IDE: variants seen among roughly 807,000 people sequenced by gnomAD.
IDE encodes insulin degrading enzyme.
A neutral mutation model predicts 133.2 loss-of-function variants in IDE; 58 were observed. That is an observed-to-expected ratio of 0.44 (90% confidence interval 0.35 to 0.54). The LOEUF is 0.54. Among genes scored for constraint, IDE ranks in the 20% least tolerant of loss-of-function variants. The pLI is 0.00. For synonymous variants in IDE, 396 were observed against 421.3 expected (o/e 0.94, Z 0.73); for missense variants, 981 against 1,234.0 (o/e 0.79, Z 3.07).
chr10:92,534,434 T>C (rs1564657291), intron 3 of IDE, 144 bp downstream of exon 3: 2 of 593,858 alleles, frequency 3.4e-6, no homozygotes, highest in African/African-American at 3.7e-5. Flanking sequence ...TCACTCATTT[T>C]TTCTTTTTCA....
rs964192348 is a variant in IDE at position 92,453,814 on chromosome 10, T to C, written c.*630A>G. The C allele has an allele frequency of 1.3e-5, 2 of 152,236 alleles. No individual in the cohort carries two copies. Among genetic ancestry groups the C allele is most frequent in the Non-Finnish European group, 2.9e-5 (2 of 68,056 alleles). 9.4% of individuals were successfully genotyped at this position (152,236 alleles called of 1,614,324 possible). On this transcript the variant is annotated 3_prime_UTR_variant, in exon 25 of 25. Coordinates refer to ENST00000265986, the MANE Select transcript of IDE (RefSeq NM_004969.4). ...AAAATTGATGTAAGGTAAGTCTGTA[T>C]TTCTAGCATTGTAAATAAGTAGGGT...
At chr10:92,472,471 T>G (rs1846017218) in intron 17 of IDE, among the ~76,000 whole-genome samples, 1 of 152,202 alleles carries the variant, frequency 6.6e-6, no homozygotes. Context: ...AATGTACCTG[T>G]TCTAGTAAGT....
At chr10:92,484,418 AAAAAC>A (rs1007870355) in intron 13 of IDE, among the ~76,000 whole-genome samples, 23 of 151,958 alleles carry the variant, frequency 1.5e-4, no homozygotes, top group African/African-American at 4.6e-4. Context: ...CTCCATCTCA[AAAAAC>A]AAAACAAAAC....
intron 1 of IDE, among the ~76,000 whole-genome samples, chr10:92,555,658 G>C (rs975705051): frequency 6.6e-6 from 1 of 152,072 alleles, no homozygotes; most frequent in Non-Finnish European, 1.5e-5. Flanking sequence ...CAAAAATGCT[G>C]ATCAAACTAG....
Position 92,526,968 on chromosome 10 carries a change from TACC to T in IDE, c.661+4777_661+4779del, listed in dbSNP as rs573853361. On this transcript the variant is annotated intron_variant, in intron 4 of 24. Transcript: ENST00000265986. ...CTGAGAAGCTGCGATTACAGGTGCA[TACC>T]ACCACATCTAGCTTTTTGTGTCTCT... is the stretch of plus-strand genomic sequence containing the variant. Among the ~76,000 whole-genome samples, 124 of 151,756 alleles carry T rather than the reference TACC, an allele frequency of 8.2e-4. 1 individual carries two copies. The highest frequency in any genetic ancestry group is 3.4e-3 in the Middle Eastern group (1 of 294).
intron 11 of IDE, among the ~76,000 whole-genome samples, chr10:92,492,363 A>T (rs977091056): frequency 2.0e-5 from 3 of 152,154 alleles, no homozygotes; most frequent in Admixed American, 2.0e-4. Flanking sequence ...GGAGCAAAAG[A>T]AGTTCTGAAC....
chr10:92,515,052 A>T lies in IDE; in HGVS notation c.662-10T>A. ...AGAGTATATTTGTTACCTGGAAGGG[A>T]AGAAAAGGGATTTCTTAGAAAAAGC... On this transcript the variant is annotated splice_polypyrimidine_tract_variant and intron_variant, in intron 4 of 24. Transcript: ENST00000265986. 1 of 1,570,234 alleles carries T rather than the reference A, an allele frequency of 6.4e-7. No individual in the cohort carries two copies.
rs534630285 is a variant in IDE, at chr10:92,527,035, A to C, written c.661+4713T>G. Among the ~76,000 whole-genome samples the C allele has an allele frequency of 4.6e-5, 7 of 152,114 alleles. No individual in the cohort carries two copies. The East Asian group carries it at 1.4e-3, about 29-fold the overall frequency. ...TTTAAATTTCAATGAGGTCAAGTTT[A>C]TCTCTAAACCTATGGTTCATCTCTA... On this transcript the variant is annotated intron_variant, in intron 4 of 24. Coordinates refer to ENST00000265986, the MANE Select transcript of IDE (RefSeq NM_004969.4).
intron 4 of IDE, among the ~76,000 whole-genome samples, chr10:92,518,122 G>A (rs991665780): frequency 1.3e-4 from 19 of 151,990 alleles, no homozygotes; most frequent in Non-Finnish European, 2.8e-4. Flanking sequence ...TCGTATCAAG[G>A]TGAAATTTGA....
chr10:92,465,744 A>G lies in IDE; in HGVS notation c.2420T>C (p.Phe807Ser). ...TDMQSTSENM[F>S]LELFCQIISE... ...GATAATCTGACAGAAGAGCTCCAGA[A>G]ACATATTCTCTGAGGTGCTTTGCAT... is the stretch of plus-strand genomic sequence containing the variant. Residue 807 changes from phenylalanine (F) to serine (S), a missense_variant, in exon 20 of 25, where the codon TTT (phenylalanine) becomes TCT (serine). Physicochemically the swap from Phe to Ser is radical, Grantham distance 155 (BLOSUM62 -2). Around this residue, in one of 2 missense-constraint regions of IDE, gnomAD observed 660 missense variants for 894.7 expected, o/e 0.74. Coordinates refer to ENST00000265986, the MANE Select transcript of IDE (RefSeq NM_004969.4). 6.2e-7 allele frequency: 1 copy of G among 1,614,042 alleles called. No homozygotes were observed. The highest frequency in any genetic ancestry group is 1.1e-5 in the South Asian group (1 of 91,076).
At chr10:92,469,876 C>T (rs1315628315) in intron 18 of IDE, among the ~76,000 whole-genome samples, 4 of 152,110 alleles carry the variant, frequency 2.6e-5, no homozygotes, top group Admixed American at 2.0e-4. Flanking sequence ...AGAGTTAAGA[C>T]ATTTTCAAAA....
chr10:92,490,926 T>G (rs1847303851), intron 11 of IDE, among the ~76,000 whole-genome samples: 1 of 152,088 alleles, frequency 6.6e-6, no homozygotes, highest in African/African-American at 2.4e-5. Flanking sequence ...AACAGTCAGT[T>G]AAAAAACAGT....
chr10:92,498,521 C>T (rs1011104497), intron 11 of IDE, among the ~76,000 whole-genome samples: 1 of 151,956 alleles, frequency 6.6e-6, no homozygotes, highest in African/African-American at 2.4e-5. Flanking sequence ...TTTGGGAGGC[C>T]GAGGCAGGTG....
At chr10:92,571,829 C>T (rs1843801090) in intron 1 of IDE, among the ~76,000 whole-genome samples, 1 of 152,230 alleles carries the variant, frequency 6.6e-6, no homozygotes, top group Admixed American at 6.5e-5. Flanking sequence ...GCTCTTCCAG[C>T]AAATAGCTGT....
chr10:92,494,228 ATT>A (rs56276579), intron 11 of IDE, among the ~76,000 whole-genome samples: 5,139 of 130,652 alleles, frequency 0.039, 342 homozygotes, highest in African/African-American at 0.13. Flanking sequence ...TACCCAGCCA[ATT>A]TTTTTTTTTT....
At chr10:92,461,360 T>C (rs1364766312) in intron 21 of IDE, 108 bp from the exon 22 acceptor site, 3 of 540,096 alleles carry the variant, frequency 5.6e-6, no homozygotes, top group South Asian at 2.1e-5. Context: ...AGTATCCATA[T>C]ATATTTTTTT....
chr10:92,572,851 C>T (rs1430376621), intron 1 of IDE: 4 of 978,254 alleles, frequency 4.1e-6, no homozygotes, highest in East Asian at 2.3e-4. Context: ...GCCAGCCTAC[C>T]CCCCCATCTC....
intron 18 of IDE, among the ~76,000 whole-genome samples, chr10:92,469,828 G>C (rs534905845): frequency 6.6e-6 from 1 of 152,036 alleles, no homozygotes; most frequent in African/African-American, 2.4e-5. Flanking sequence ...AGGTGCTACT[G>C]TAACTCTAAT....
chr10:92,573,888 G>C (rs1843925445), intron 1 of IDE, 34 bp downstream of exon 1: 4 of 1,402,948 alleles, frequency 2.9e-6, no homozygotes, highest in Middle Eastern at 3.6e-4. Context: ...GTGACCCACG[G>C]GGCCCGAGGG....
Sources: gnomAD v4.1 joint callset for allele counts (sites outside exome capture counted in the v4.1 genomes callset) on GRCh38, gnomAD v4.1.1 for gene constraint, gnomAD v4.1.1 regional missense constraint, MANE v1.5 for transcripts, NCBI Gene and HGNC (gene_info 2026-07-23, HGNC 2026-07-21) for gene names.